The following MDGA2 variants were observed in gnomAD, a reference collection of about 807,000 sequenced individuals.
MDGA2 encodes the protein MAM domain containing glycosylphosphatidylinositol anchor 2, also known as MAM domain-containing glycosylphosphatidylinositol anchor protein 2.
In MDGA2, 40 loss-of-function variants were observed where a neutral mutation model predicts 117.8. That is an observed-to-expected ratio of 0.34 (90% confidence interval 0.26 to 0.44). The LOEUF is 0.44. Among genes scored for constraint, MDGA2 ranks in the 20% least tolerant of loss-of-function variants. The pLI is 1.00. For synonymous variants in MDGA2, 452 were observed against 439.0 expected, an observed-to-expected ratio of 1.03 and a Z score of -0.37; for missense variants, 1,123 against 1,250.6, an observed-to-expected ratio of 0.90 and a Z score of 1.54.
intron 1 of MDGA2, among the ~76,000 whole-genome samples, chr14:47,372,132 T>A (rs1037856953): frequency 6.6e-6 from 1 of 151,842 alleles, no homozygotes. Flanking sequence ...ATAGTATTAG[T>A]TGAAATGCAC....
At chr14:47,103,872 T>G (rs1342832050) in intron 5 of MDGA2, among the ~76,000 whole-genome samples, 1 of 152,208 alleles carries the variant, frequency 6.6e-6, no homozygotes, top group Non-Finnish European at 1.5e-5. Flanking sequence ...CATTCATTCA[T>G]AAGTATTTCT....
At chr14:46,888,330 A>G (rs915621397) in intron 10 of MDGA2, among the ~76,000 whole-genome samples, 1 of 151,934 alleles carries the variant, frequency 6.6e-6, no homozygotes, top group African/African-American at 2.4e-5. Context: ...TGGGTTCTAA[A>G]CAATACAGCA....
chr14:46,920,009 C>A lies in MDGA2; in HGVS notation c.2238+3G>T. The A allele has an allele frequency of 6.4e-7, 1 of 1,569,904 alleles. No individual in the cohort carries two copies. On this transcript the variant is annotated splice_donor_region_variant and intron_variant, in intron 10 of 16. Coordinates refer to ENST00000399232, the MANE Select transcript of MDGA2 (RefSeq NM_001113498.3). ...AAAAAAGGACATCAGTTAGATTTCT[C>A]ACCTGCCTGATGCCCAACCGGTATG...
chr14:47,136,022 A>C (rs1418365330), intron 4 of MDGA2, among the ~76,000 whole-genome samples: 1 of 152,078 alleles, frequency 6.6e-6, no homozygotes, highest in Admixed American at 6.6e-5. Context: ...TTCTGTGTTT[A>C]ACGCTACTAA....
intron 1 of MDGA2, among the ~76,000 whole-genome samples, chr14:47,531,687 T>C (rs1426109718): frequency 6.6e-6 from 1 of 152,192 alleles, no homozygotes; most frequent in Non-Finnish European, 1.5e-5. Context: ...TCGGGGAGAC[T>C]CTTCCTTAAA....
intron 1 of MDGA2, among the ~76,000 whole-genome samples, chr14:47,362,454 C>A (rs1052071478): frequency 6.6e-6 from 1 of 151,970 alleles, no homozygotes; most frequent in Non-Finnish European, 1.5e-5. Flanking sequence ...AAGTATTCTG[C>A]CAAATAAATG....
chr14:47,271,769 T>A (rs1038679538), intron 2 of MDGA2, among the ~76,000 whole-genome samples: 16 of 152,218 alleles, frequency 1.1e-4, no homozygotes, highest in Non-Finnish European at 2.2e-4. Flanking sequence ...ATTTTGTTTA[T>A]AAATAATTTC....
At chr14:46,949,683 G>T (rs1484631701) in intron 9 of MDGA2, among the ~76,000 whole-genome samples, 2 of 151,896 alleles carry the variant, frequency 1.3e-5, no homozygotes, top group Non-Finnish European at 2.9e-5. Context: ...CAAAGGACAT[G>T]ATTTCATTAA....
intron 2 of MDGA2, among the ~76,000 whole-genome samples, chr14:47,290,000 T>C (rs1466429526): frequency 6.6e-6 from 1 of 152,150 alleles, no homozygotes; most frequent in East Asian, 1.9e-4. Flanking sequence ...TGCATTTATA[T>C]CATAAATCTC....
chr14:47,457,565 T>G (rs973368174), intron 1 of MDGA2, among the ~76,000 whole-genome samples: 4 of 152,178 alleles, frequency 2.6e-5, no homozygotes, highest in African/African-American at 9.6e-5. Flanking sequence ...AAAGAAGACA[T>G]TCTGAGTTAA....
intron 1 of MDGA2, among the ~76,000 whole-genome samples, chr14:47,459,417 T>G (rs1017687907): frequency 2.0e-5 from 3 of 152,040 alleles, no homozygotes; most frequent in Non-Finnish European, 4.4e-5. Context: ...TCACTTTTTT[T>G]TTTTTCAGAA....
intron 1 of MDGA2, among the ~76,000 whole-genome samples, chr14:47,437,577 A>G (rs2138540093): frequency 6.6e-6 from 1 of 152,226 alleles, no homozygotes; most frequent in African/African-American, 2.4e-5. Flanking sequence ...TTGTAAATGG[A>G]AAGGGTTGCC....
At chr14:46,954,190 G>A (rs529937419) in intron 9 of MDGA2, among the ~76,000 whole-genome samples, 5 of 152,026 alleles carry the variant, frequency 3.3e-5, no homozygotes, top group Admixed American at 3.3e-4. Context: ...CCTTTAGGTG[G>A]CAAAAGCAAC....
chr14:47,083,442 T>C (rs532781124), intron 6 of MDGA2, among the ~76,000 whole-genome samples: 12 of 150,400 alleles, frequency 8.0e-5, no homozygotes, highest in South Asian at 2.1e-4. Flanking sequence ...GTGAAAGGAA[T>C]AGGGAAAAGT....
chr14:47,166,701 C>G (rs534317332), intron 3 of MDGA2, among the ~76,000 whole-genome samples: 3 of 151,972 alleles, frequency 2.0e-5, no homozygotes, highest in Non-Finnish European at 4.4e-5. Context: ...CAACTTGAAA[C>G]AAATGATTAT....
At chr14:47,112,646 G>A (rs980864817) in intron 5 of MDGA2, among the ~76,000 whole-genome samples, 1 of 152,162 alleles carries the variant, frequency 6.6e-6, no homozygotes, top group Non-Finnish European at 1.5e-5. Flanking sequence ...TATCACTGAT[G>A]GGCATTTGGG....
At chr14:47,403,124 T>A (rs1892189557) in intron 1 of MDGA2, among the ~76,000 whole-genome samples, 2 of 152,188 alleles carry the variant, frequency 1.3e-5, no homozygotes, top group Non-Finnish European at 2.9e-5. Flanking sequence ...TTATTCCTAG[T>A]CACCACTTTC....
At chr14:46,922,790 T>C (rs978913429) in intron 9 of MDGA2, among the ~76,000 whole-genome samples, 5 of 152,218 alleles carry the variant, frequency 3.3e-5, no homozygotes, top group South Asian at 4.1e-4. Flanking sequence ...TCTTTGGTCT[T>C]CTTCCTCCTC....
intron 4 of MDGA2, among the ~76,000 whole-genome samples, chr14:47,142,028 T>C (rs761881637): frequency 2.0e-4 from 30 of 152,226 alleles, no homozygotes; most frequent in Non-Finnish European, 5.9e-5. Flanking sequence ...AAAAGTTTGA[T>C]TGTGCTTGTT....
Sources: allele counts gnomAD v4.1 joint callset (sites outside exome capture counted in the v4.1 genomes callset), GRCh38; gene constraint gnomAD v4.1.1; transcripts MANE v1.5; gene names NCBI Gene and HGNC (gene_info 2026-07-23, HGNC 2026-07-21).